The following ECI2 variants were observed in gnomAD, a reference collection of about 807,000 sequenced individuals.
ECI2 encodes D3,D2-enoyl-CoA isomerase.
In ECI2, 27 loss-of-function variants were observed where a neutral mutation model predicts 38.4. The ratio of observed to expected loss-of-function variants is 0.70; its 90% CI spans 0.52 to 0.97. The LOEUF is 0.97. ECI2 is among the 50% of genes least tolerant of loss of function. The pLI is 0.00. For missense variants in ECI2, 470 were observed against 474.4 expected (o/e 0.99, Z 0.09); for synonymous variants, 168 against 172.0 (o/e 0.98, Z 0.18).
chr6:4,127,693 C>A, intron 5 of ECI2, 69 bp downstream of exon 5: 1 of 1,526,000 alleles, frequency 6.6e-7, no homozygotes, highest in Middle Eastern at 1.7e-4. Flanking sequence ...CTTTTTAACT[C>A]AATTTCCTAT....
At chr6:4,120,095 T>G (rs1007096798) in intron 7 of ECI2, among the ~76,000 whole-genome samples, 4 of 152,200 alleles carry the variant, frequency 2.6e-5, no homozygotes, top group Non-Finnish European at 5.9e-5. Context: ...TTTCTAGCAT[T>G]CAAATGGTTG....
At position 4,125,325 on chromosome 6, in the gene ECI2, T is replaced by C; in HGVS notation, c.720A>G (p.Ala240=). 6.2e-7 allele frequency: 1 copy of C among 1,614,164 alleles called. No homozygotes were observed. Among genetic ancestry groups the C allele is most frequent in the Non-Finnish European group, 8.5e-7 (1 of 1,180,026 alleles). The part of the protein sequence containing the change: ...CFIDFPKPLI[A]VVNGPAVGIS... ...TGCCCACAGCTGGACCATTGACCAC[T>C]GCAATCAGAGGCTTAGGAAAATCTA... The change falls in exon 7 of 10, where the codon GCA becomes GCG. Residue 240 remains alanine (A), a synonymous_variant. Transcript: ENST00000380118.
At chr6:4,126,864 T>C (rs990589926) in intron 5 of ECI2, among the ~76,000 whole-genome samples, 4 of 152,202 alleles carry the variant, frequency 2.6e-5, no homozygotes, top group Non-Finnish European at 5.9e-5. Context: ...TAAATGTTCA[T>C]TTAGATGAGT....
chr6:4,133,276 A>C (rs566218499), intron 2 of ECI2, among the ~76,000 whole-genome samples: 1 of 152,232 alleles, frequency 6.6e-6, no homozygotes, highest in South Asian at 2.1e-4. Context: ...GATTTATTCT[A>C]ATCAAGAGCT....
chr6:4,125,054 A>G lies in ECI2; in HGVS notation c.795+196T>C, dbSNP rs1344753510. 3.4e-6 allele frequency: 3 copies of G among 890,640 alleles called. No homozygotes were observed. The East Asian group carries it at 8.3e-5, about 25-fold the overall frequency. 55.2% of individuals were successfully genotyped at this position (890,640 alleles called of 1,614,324 possible). A position where few individuals can be genotyped will look rare whatever the true frequency, so the allele number is the denominator to read the frequency against. On this transcript the variant is annotated intron_variant, in intron 7 of 9. Coordinates refer to ENST00000380118, the MANE Select transcript of ECI2 (RefSeq NM_206836.3). ...CAGTCAGAGTTGGAACAATGTTCAC[A>G]ACAAAATGCAAGTTAATAATGAAGG...
Position 4,125,340 on chromosome 6 carries a change from A to C in ECI2, c.705T>G (p.Pro235=). 6.2e-7 allele frequency: 1 copy of C among 1,614,204 alleles called. No homozygotes were observed. The highest frequency in any genetic ancestry group is 1.1e-5 in the South Asian group (1 of 91,080). Residue 235 remains proline, a synonymous_variant, in exon 7 of 10, where the codon CCT becomes CCG. Transcript: ENST00000380118. ...REFVGCFIDF[P]KPLIAVVNGP... ...CATTGACCACTGCAATCAGAGGCTTAGGAAAATCTATAAAACAGCCCACAA... is the reference window on the plus strand; with the variant it reads ...CATTGACCACTGCAATCAGAGGCTTCGGAAAATCTATAAAACAGCCCACAA...
At chr6:4,120,201 G>C (rs549274529) in intron 7 of ECI2, among the ~76,000 whole-genome samples, 8 of 152,286 alleles carry the variant, frequency 5.3e-5, no homozygotes, top group Admixed American at 1.3e-4. Flanking sequence ...ATCTAGTCGT[G>C]TGTTGCTTAA....
In ECI2 at chr6:4,125,384, AAC is replaced by A; in HGVS notation, c.675-16_675-15del. 1 of 1,613,904 alleles carries A rather than the reference AAC, an allele frequency of 6.2e-7. No homozygotes were observed. The highest frequency in any genetic ancestry group is 8.5e-7 in the Non-Finnish European group (1 of 1,180,006). The stretch of plus-strand genomic sequence containing the variant: ...CCCACAAATTCCCTACAGAAATGGA[AAC>A]ACAAAATCATTAAATGTGCCAAAGC... On this transcript the variant is annotated splice_polypyrimidine_tract_variant and intron_variant, in intron 6 of 9. Transcript: ENST00000380118.
chr6:4,126,534 A>G (rs1195609002), intron 5 of ECI2, among the ~76,000 whole-genome samples: 1 of 152,212 alleles, frequency 6.6e-6, no homozygotes, highest in East Asian at 1.9e-4. Flanking sequence ...GGAAGCGACA[A>G]CTGAATTGAG....
chr6:4,135,185 GCTGGGGCGGCTCACCCGC>G, intron 1 of ECI2: 1 of 651,552 alleles, frequency 1.5e-6, no homozygotes, highest in Non-Finnish European at 2.7e-6. Flanking sequence ...CGGGTGCTCA[GCTGGGGCGGCTCACCCGC>G]CCGGAGTCCG....
At chr6:4,124,948 CA>C (rs1008590236) in intron 7 of ECI2, 1 of 485,662 alleles carries the variant, frequency 2.1e-6, no homozygotes. Flanking sequence ...CCTCCCATAA[CA>C]AATTTTCAAG....
chr6:4,115,719 CTTTT>C lies in ECI2; in HGVS notation c.*151_*154del. 1.6e-6 allele frequency: 2 copies of C among 1,259,498 alleles called. No individual in the cohort carries two copies. Among genetic ancestry groups the C allele is most frequent in the South Asian group, 1.4e-5 (1 of 73,198 alleles). The allele number at this position is 1,259,498 out of a possible 1,614,324, so 78.0% of individuals were successfully genotyped here. A position where few individuals can be genotyped will look rare whatever the true frequency, so the allele number is the denominator to read the frequency against. Reference sequence around the variant, plus strand: ...GAATTCTTAAGCTTGTTTTACAAAACTTTTTATTCATCAGAGCTGTAGTGAAATA... The same window carrying C: ...GAATTCTTAAGCTTGTTTTACAAAACTATTCATCAGAGCTGTAGTGAAATA... On this transcript the variant is annotated 3_prime_UTR_variant, in exon 10 of 10. Coordinates refer to ENST00000380118, the MANE Select transcript of ECI2 (RefSeq NM_206836.3).
chr6:4,116,560 G>C (rs960211268), intron 9 of ECI2, among the ~76,000 whole-genome samples: 12 of 151,340 alleles, frequency 7.9e-5, no homozygotes, highest in African/African-American at 2.9e-4. Flanking sequence ...CCCTGCCTCA[G>C]CATCCAGAGT....
intron 4 of ECI2, among the ~76,000 whole-genome samples, 181 bp from the exon 5 acceptor site, chr6:4,128,012 C>T (rs1164799931): frequency 6.6e-6 from 1 of 152,206 alleles, no homozygotes; most frequent in Non-Finnish European, 1.5e-5. Context: ...ATTCCTTTCA[C>T]AGTTACCTGG....
In ECI2 at chr6:4,115,864, G is replaced by A; in HGVS notation, c.*10C>T. 1.9e-6 allele frequency: 3 copies of A among 1,608,536 alleles called. 1 individual carries two copies. The highest frequency in any genetic ancestry group is 4.5e-5 in the East Asian group (2 of 44,880). On this transcript the variant is annotated 3_prime_UTR_variant, in exon 10 of 10. Coordinates refer to ENST00000380118, the MANE Select transcript of ECI2 (RefSeq NM_206836.3). ...TTCCTTGGACATGCTTTACTCTGCT[G>A]TAGTGGTCATCACAGTTTTGATTTT...
chr6:4,122,844 T>C (rs1772896536), intron 7 of ECI2, among the ~76,000 whole-genome samples: 1 of 152,204 alleles, frequency 6.6e-6, no homozygotes, highest in Non-Finnish European at 1.5e-5. Context: ...AATATGTGTG[T>C]GTGTATGCGT....
chr6:4,135,513 C>G lies in ECI2; in HGVS notation c.48G>C (p.Pro16=). The stretch of plus-strand genomic sequence containing the variant: ...AACGGCCGGGACTCCAAGCTTACCT[C>G]GGACACGAACGCCGCGCCAGTCTCC... The part of the protein sequence containing the change: ...LAWRLARRSC[P]SSLQVTSFPV... Residue 16 remains proline (P), a splice_region_variant and synonymous_variant, in exon 1 of 10, where the codon CCG becomes CCC. Coordinates refer to ENST00000380118, the MANE Select transcript of ECI2 (RefSeq NM_206836.3). 6.3e-7 allele frequency: 1 copy of G among 1,598,418 alleles called. No individual in the cohort carries two copies. Among genetic ancestry groups the G allele is most frequent in the Non-Finnish European group, 8.5e-7 (1 of 1,170,858 alleles).
intron 1 of ECI2, 108 bp downstream of exon 1, chr6:4,135,403 G>A: frequency 1.3e-6 from 2 of 1,577,864 alleles, no homozygotes; most frequent in Non-Finnish European, 1.7e-6. Flanking sequence ...AAATCCTGTT[G>A]CCACCTAGAC....
chr6:4,130,612 T>A, intron 3 of ECI2, 52 bp from the exon 4 acceptor site: 1 of 1,613,476 alleles, frequency 6.2e-7, no homozygotes, highest in East Asian at 2.2e-5. Flanking sequence ...AATAAGCACT[T>A]TGAGAAAGTT....
Sources: allele counts gnomAD v4.1 joint callset (sites outside exome capture counted in the v4.1 genomes callset), GRCh38; gene constraint gnomAD v4.1.1; transcripts MANE v1.5; gene names NCBI Gene and HGNC (gene_info 2026-07-23, HGNC 2026-07-21).